CNTROB: variants seen among roughly 807,000 people sequenced by gnomAD.
The protein encoded by CNTROB is centrobin, centriole duplication and spindle assembly protein, also known as centrobin.
In CNTROB, 82 loss-of-function variants were observed where a neutral mutation model predicts 115.7. The observed-to-expected ratio is 0.71, with a 90% CI of 0.59 to 0.85. CNTROB has a LOEUF of 0.85. Among genes scored for constraint, CNTROB ranks in the 40% least tolerant of loss-of-function variants. The pLI, the probability that CNTROB is intolerant of heterozygous loss-of-function variation, is 0.00. For missense variants in CNTROB, 1,014 were observed against 1,144.4 expected (o/e 0.89, Z 1.64); for synonymous variants, 439 against 456.4 (o/e 0.96, Z 0.49).
At position 7,945,744 on chromosome 17, in the gene CNTROB, C is replaced by T. The variant is rs576854155; in HGVS notation, c.1751C>T (p.Pro584Leu). 24 of 1,614,140 alleles carry T rather than the reference C, an allele frequency of 1.5e-5. No homozygotes were observed. In the East Asian group the frequency reaches 5.1e-4, roughly 34 times the overall value. The change falls in exon 13 of 19, where the codon CCC becomes CTC. Residue 584 changes from proline to leucine, a missense_variant. By Grantham distance (98) the Pro-to-Leu change is moderately conservative (BLOSUM62 -3). Transcript: ENST00000563694. ...CCTGGTCAGGCTCCTCCTGCTGGAC[C>T]CTCCAGCCCCGGGCCTCAGGAGCCC... ...PPNPPAPPAG[P>L]SSPGPQEPEK...
At chr17:7,941,406 C>A (rs956335542) in intron 9 of CNTROB, among the ~76,000 whole-genome samples, 13 of 151,680 alleles carry the variant, frequency 8.6e-5, no homozygotes, top group African/African-American at 2.9e-4. Context: ...TTGAGACCAG[C>A]CCGGCCAACA....
In CNTROB at chr17:7,936,362, C is replaced by G; in HGVS notation, c.595-4C>G. 7.9e-7 allele frequency: 1 copy of G among 1,259,868 alleles called. No homozygotes were observed. Among genetic ancestry groups the G allele is most frequent in the Non-Finnish European group, 1.2e-6 (1 of 856,808 alleles). 78.0% of individuals were successfully genotyped at this position (1,259,868 alleles called of 1,614,324 possible). ...ACACCCAGACTCCTCACCCTTTTCC[C>G]CAGCATTGTGAGCGCCATATTCAGA... On this transcript the variant is annotated splice_region_variant and splice_polypyrimidine_tract_variant and intron_variant, in intron 4 of 18. Coordinates refer to ENST00000563694, the MANE Select transcript of CNTROB (RefSeq NM_053051.5).
At position 7,933,286 on chromosome 17, in the gene CNTROB, C is replaced by T. The variant is rs1319834517; in HGVS notation, c.207C>T (p.Asp69=). 1.2e-6 allele frequency: 2 copies of T among 1,614,108 alleles called. No homozygotes were observed. The highest frequency in any genetic ancestry group is 1.7e-6 in the Non-Finnish European group (2 of 1,180,048). ...CCTCCCCGCCTCATGAAGGGTTAGA[C>T]GGCTTCGCCCAAGAATTGAGTCGAA... The part of the protein sequence containing the change: ...PSTSPPHEGL[D]GFAQELSRSL... The change falls in exon 1 of 19, where the codon GAC becomes GAT. Residue 69 remains aspartate (D), a synonymous_variant. Coordinates refer to ENST00000563694, the MANE Select transcript of CNTROB (RefSeq NM_053051.5).
chr17:7,944,360 G>T lies in CNTROB; in HGVS notation c.1571+112G>T. ...TTGATTGATCTGTCCTCCTCTACAT[G>T]GGCCCCAGCTCCTTTCAGAATATCA... On this transcript the variant is annotated intron_variant, in intron 11 of 18. Transcript: ENST00000563694. The surrounding 1 kb of genome is among the most constrained non-coding windows in gnomAD (Gnocchi z 4.0). 1 of 1,552,522 alleles carries T rather than the reference G, an allele frequency of 6.4e-7. No homozygotes were observed. Among genetic ancestry groups the T allele is most frequent in the African/African-American group, 1.4e-5 (1 of 73,698 alleles).
At chr17:7,934,393 T>C in intron 2 of CNTROB, 72 bp from the exon 3 acceptor site, 1 of 1,464,400 alleles carries the variant, frequency 6.8e-7, no homozygotes, top group South Asian at 1.1e-5. Context: ...AAGGAAGGCC[T>C]TTTCTCTTCA....
At chr17:7,938,809 C>T (rs780032148) in intron 7 of CNTROB, among the ~76,000 whole-genome samples, 19 of 152,146 alleles carry the variant, frequency 1.2e-4, no homozygotes, top group Non-Finnish European at 2.5e-4. Flanking sequence ...GATGGAGTCT[C>T]GCTCTGTTGC....
intron 6 of CNTROB, 71 bp downstream of exon 6, chr17:7,936,888 C>A: frequency 1.2e-6 from 1 of 821,316 alleles, no homozygotes; most frequent in East Asian, 2.4e-5. Context: ...GCAGAAATAG[C>A]TCTGGAATTA....
Position 7,949,500 on chromosome 17 carries a change from T to C in CNTROB, c.2702T>C (p.Val901Ala), listed in dbSNP as rs1399340899. ...AGTAGCATGAGGAGCCGGGGGGGAGTCTGGAGATGAGCCCCCCTACCCTCT... is the reference window on the plus strand; with the variant it reads ...AGTAGCATGAGGAGCCGGGGGGGAGCCTGGAGATGAGCCCCCCTACCCTCT... ...APSSMRSRGG[V>A]WR Residue 901 changes from valine to alanine, a missense_variant, in exon 19 of 19, where the codon GTC becomes GCC. By Grantham distance (64) the Val-to-Ala change is moderately conservative. Transcript: ENST00000563694. The C allele has an allele frequency of 6.2e-7, 1 of 1,611,538 alleles. No homozygotes were observed. Among genetic ancestry groups the C allele is most frequent in the Non-Finnish European group, 8.5e-7 (1 of 1,179,126 alleles).
At position 7,939,683 on chromosome 17, in the gene CNTROB, G is replaced by C; in HGVS notation, c.1098G>C (p.Glu366Asp). 3.7e-6 allele frequency: 6 copies of C among 1,614,138 alleles called. No homozygotes were observed. The highest frequency in any genetic ancestry group is 5.1e-6 in the Non-Finnish European group (6 of 1,180,032). The change falls in exon 8 of 19, where the codon GAG becomes GAC. Residue 366 changes from glutamate to aspartate, a missense_variant. By Grantham distance (45) the Glu-to-Asp change is conservative (BLOSUM62 2). Transcript: ENST00000563694. The surrounding 1 kb of genome is among the most constrained non-coding windows in gnomAD (Gnocchi z 4.4). The part of the protein sequence containing the change: ...EEERQTWAQQ[E>D]HQLKEHYQAL... ...AACGGCAGACCTGGGCCCAGCAAGA[G>C]CACCAGCTTAAGGAACACTACCAGG...
intron 7 of CNTROB, among the ~76,000 whole-genome samples, chr17:7,938,609 C>T (rs908040368): frequency 6.6e-6 from 1 of 152,138 alleles, no homozygotes; most frequent in African/African-American, 2.4e-5. Context: ...CTTTAATGCT[C>T]AGAAGGCAGA....
At chr17:7,946,892 A>C (rs889216904) in intron 13 of CNTROB, among the ~76,000 whole-genome samples, 1 of 151,224 alleles carries the variant, frequency 6.6e-6, no homozygotes, top group Non-Finnish European at 1.5e-5. Flanking sequence ...AAGAGATTAC[A>C]GCTCACGCCT....
At position 7,935,115 on chromosome 17, in the gene CNTROB, TGCATTGGATTCAGA is replaced by T; in HGVS notation, c.569_582del (p.Leu190TyrfsTer7). 11 of 1,614,082 alleles carry T rather than the reference TGCATTGGATTCAGA, an allele frequency of 6.8e-6. No individual in the cohort carries two copies. The highest frequency in any genetic ancestry group is 9.3e-6 in the Non-Finnish European group (11 of 1,180,018). On this transcript the variant is annotated frameshift_variant, in exon 4 of 19. Coordinates refer to ENST00000563694, the MANE Select transcript of CNTROB (RefSeq NM_053051.5). LOFTEE classifies it high-confidence loss of function. Reference sequence around the variant, plus strand: ...CCCCAGATTTTCAGGGGCTGAGAGATGCATTGGATTCAGAGCATACCCGCCGCAAGGTAAGATGC... The same window carrying T: ...CCCCAGATTTTCAGGGGCTGAGAGATGCATACCCGCCGCAAGGTAAGATGC...
chr17:7,939,743 G>A lies in CNTROB; in HGVS notation c.1158G>A (p.Arg386=), dbSNP rs1188667881. 1 of 1,613,970 alleles carries A rather than the reference G, an allele frequency of 6.2e-7. No homozygotes were observed. The highest frequency in any genetic ancestry group is 1.1e-5 in the South Asian group (1 of 91,062). The change falls in exon 8 of 19, where the codon AGG becomes AGA. Residue 386 remains arginine (R), a synonymous_variant. Transcript: ENST00000563694. This position sits in a 1 kb window ranked among gnomAD's most constrained non-coding sequence, Gnocchi z 4.4. ...LQEESQAQLE[R]EKEKSQREAQ... is the part of the protein sequence containing the mutation. ...AGGAGAGCCAGGCTCAGCTGGAAAG[G>A]GAGAAGGTAAAAGTGGCAGTTGGAA...
chr17:7,943,376 C>T lies in CNTROB; in HGVS notation c.1312-15C>T, dbSNP rs1567927185. On this transcript the variant is annotated splice_polypyrimidine_tract_variant and intron_variant, in intron 9 of 18. Coordinates refer to ENST00000563694, the MANE Select transcript of CNTROB (RefSeq NM_053051.5). This position sits in a 1 kb window ranked among gnomAD's most constrained non-coding sequence, Gnocchi z 4.7. ...AAACAGATTTGGGCCGTTATCCCAC[C>T]TTCCTTCACTCCAGGCCCGGTATGA... 1 of 1,604,574 alleles carries T rather than the reference C, an allele frequency of 6.2e-7. No homozygotes were observed. Among genetic ancestry groups the T allele is most frequent in the Non-Finnish European group, 8.5e-7 (1 of 1,172,740 alleles).
chr17:7,943,580 C>T lies in CNTROB; in HGVS notation c.1445+56C>T. ...TCAGCCACAGCACGTATCGTTAGTGCCAGGCCTGTGTTCCCTTCAATCCCT... is the reference window on the plus strand; with the variant it reads ...TCAGCCACAGCACGTATCGTTAGTGTCAGGCCTGTGTTCCCTTCAATCCCT... On this transcript the variant is annotated intron_variant, in intron 10 of 18. Coordinates refer to ENST00000563694, the MANE Select transcript of CNTROB (RefSeq NM_053051.5). This position sits in a 1 kb window ranked among gnomAD's most constrained non-coding sequence, Gnocchi z 4.7. 12 of 1,558,724 alleles carry T rather than the reference C, an allele frequency of 7.7e-6. No individual in the cohort carries two copies. Among genetic ancestry groups the T allele is most frequent in the Non-Finnish European group, 8.7e-6 (10 of 1,143,932 alleles).
Position 7,949,497 on chromosome 17 carries a change from G to C in CNTROB, c.2699G>C (p.Gly900Ala), listed in dbSNP as rs757139029. Residue 900 changes from glycine (G) to alanine (A), a missense_variant, in exon 19 of 19, where the codon GGA becomes GCA. Gly to Ala is a moderately conservative substitution (Grantham distance 60). Transcript: ENST00000563694. ...PAPSSMRSRG[G>A]VWR ...CCGAGTAGCATGAGGAGCCGGGGGGGAGTCTGGAGATGAGCCCCCCTACCC... is the reference window on the plus strand; with the variant it reads ...CCGAGTAGCATGAGGAGCCGGGGGGCAGTCTGGAGATGAGCCCCCCTACCC... The C allele has an allele frequency of 4.2e-5, 67 of 1,612,694 alleles. No homozygotes were observed. Among genetic ancestry groups the C allele is most frequent in the Non-Finnish European group, 5.6e-5 (66 of 1,179,440 alleles).
At position 7,939,237 on chromosome 17, in the gene CNTROB, C is replaced by A. The variant is rs1033292537; in HGVS notation, c.928-276C>A. On this transcript the variant is annotated intron_variant, in intron 7 of 18. Coordinates refer to ENST00000563694, the MANE Select transcript of CNTROB (RefSeq NM_053051.5). The surrounding 1 kb of genome is among the most constrained non-coding windows in gnomAD (Gnocchi z 4.4). ...CCTCCCAAGTAGCTGGAATTACAGG[C>A]ACCCACCACCACGCCTGGCTAATTT... 7.2e-5 allele frequency among the ~76,000 whole-genome samples: 11 copies of A among 151,786 alleles called. No homozygotes were observed. The highest frequency in any genetic ancestry group is 4.6e-4 in the Admixed American group (7 of 15,230).
intron 9 of CNTROB, among the ~76,000 whole-genome samples, chr17:7,942,909 C>A (rs955371064): frequency 7.2e-6 from 1 of 138,196 alleles, no homozygotes; most frequent in African/African-American, 2.7e-5. Flanking sequence ...TCATGCCATT[C>A]TCCTGCCTCA....
chr17:7,935,212 G>C, intron 4 of CNTROB, 67 bp downstream of exon 4: 1 of 1,604,738 alleles, frequency 6.2e-7, no homozygotes, highest in South Asian at 1.1e-5. Context: ...GTGTTGAAAA[G>C]GGCTGAGGGG....
Sources: allele counts gnomAD v4.1 joint callset (sites outside exome capture counted in the v4.1 genomes callset), GRCh38; gene constraint gnomAD v4.1.1; non-coding constraint Gnocchi (gnomAD v3.1); transcripts MANE v1.5; gene names NCBI Gene and HGNC (gene_info 2026-07-23, HGNC 2026-07-21).